NAALADL2: variants seen among roughly 807,000 people sequenced by gnomAD.
NAALADL2 encodes the protein inactive N-acetylated-alpha-linked acidic dipeptidase-like protein 2.
In NAALADL2, 76 loss-of-function variants were observed where a neutral mutation model predicts 87.2. The observed-to-expected ratio is 0.87, with a 90% confidence interval of 0.72 to 1.05. The LOEUF (loss-of-function observed/expected upper bound fraction) is 1.05, where lower values mean the gene tolerates loss of function less well. Among genes scored for constraint, NAALADL2 ranks in the 50% least tolerant of loss-of-function variants. NAALADL2 has a pLI of 0.00. For synonymous variants in NAALADL2, 354 were observed against 331.0 expected (o/e 1.07, Z -0.75); for missense variants, 1,089 against 945.8 (o/e 1.15, Z -1.99).
chr3:174,752,149 G>A (rs1201625438), intron 3 of NAALADL2, among the ~76,000 whole-genome samples: 2 of 151,822 alleles, frequency 1.3e-5, no homozygotes, highest in African/African-American at 4.8e-5. Context: ...GGCTATTTTT[G>A]TATTTTCAGT....
intron 3 of NAALADL2, among the ~76,000 whole-genome samples, chr3:174,820,020 T>C (rs1048794629): frequency 1.3e-5 from 2 of 152,192 alleles, no homozygotes; most frequent in Non-Finnish European, 2.9e-5. Context: ...ATAGGCAGCT[T>C]CAGTTTGGAA....
intron 2 of NAALADL2, among the ~76,000 whole-genome samples, chr3:174,598,135 T>C (rs936942080): frequency 1.3e-5 from 2 of 152,170 alleles, no homozygotes; most frequent in Non-Finnish European, 2.9e-5. Context: ...GATCTGTATT[T>C]CATTCTGAAA....
chr3:175,261,081 A>T (rs1439964574), intron 4 of NAALADL2, among the ~76,000 whole-genome samples: 1 of 152,158 alleles, frequency 6.6e-6, no homozygotes, highest in Non-Finnish European at 1.5e-5. Context: ...CTGAAGACTT[A>T]GAGGAAAGGC....
At chr3:174,459,505 A>G (rs1212454196) in intron 1 of NAALADL2, 2 of 152,358 alleles carry the variant, frequency 1.3e-5, no homozygotes, top group Admixed American at 6.5e-5. Context: ...GTGAACATGC[A>G]CTGGACACTG....
At chr3:175,643,816 C>T (rs1729613004) in intron 11 of NAALADL2, among the ~76,000 whole-genome samples, 1 of 152,186 alleles carries the variant, frequency 6.6e-6, no homozygotes, top group Non-Finnish European at 1.5e-5. Context: ...CTTACCTTCA[C>T]AACCAAGAAT....
chr3:175,400,320 C>T (rs547446517), intron 5 of NAALADL2, among the ~76,000 whole-genome samples: 36 of 152,028 alleles, frequency 2.4e-4, no homozygotes, highest in Non-Finnish European at 4.4e-4. Context: ...AGGGCTTCAT[C>T]GGTACTGGCC....
At chr3:175,737,433 A>G (rs1293415529) in intron 12 of NAALADL2, 34 bp downstream of exon 12, 2 of 1,308,568 alleles carry the variant, frequency 1.5e-6, no homozygotes, top group African/African-American at 2.9e-5. Flanking sequence ...AATTTTACCA[A>G]TGAAAAATTG....
At chr3:174,882,637 A>ACATATACG (rs1553882398) in intron 1 of NAALADL2, among the ~76,000 whole-genome samples, 42 of 78,246 alleles carry the variant, frequency 5.4e-4, no homozygotes, top group African/African-American at 2.8e-3. Context: ...GTGCATATAC[A>ACATATACG]CATATGTGCA....
intron 5 of NAALADL2, among the ~76,000 whole-genome samples, chr3:175,358,597 G>T (rs1251149290): frequency 6.6e-6 from 1 of 151,864 alleles, no homozygotes; most frequent in East Asian, 1.9e-4. Flanking sequence ...TAATAATTAA[G>T]ATATAGAAAT....
intron 4 of NAALADL2, among the ~76,000 whole-genome samples, chr3:175,311,946 G>A (rs1482061443): frequency 6.6e-6 from 1 of 152,102 alleles, no homozygotes; most frequent in Non-Finnish European, 1.5e-5. Context: ...GGTGTTCAGT[G>A]AATTTGAAGA....
chr3:175,718,088 G>A (rs1741607438), intron 11 of NAALADL2: 2 of 675,174 alleles, frequency 3.0e-6, no homozygotes, highest in Admixed American at 3.6e-5. Flanking sequence ...TTGAATGGGA[G>A]CTTCCTTTCC....
At chr3:175,702,480 A>C (rs1739128500) in intron 11 of NAALADL2, among the ~76,000 whole-genome samples, 1 of 152,150 alleles carries the variant, frequency 6.6e-6, no homozygotes, top group African/African-American at 2.4e-5. Context: ...AGAAAAAAAA[A>C]CTAAAAAAGA....
At chr3:175,424,919 A>C (rs182186788) in intron 5 of NAALADL2, among the ~76,000 whole-genome samples, 14 of 152,302 alleles carry the variant, frequency 9.2e-5, no homozygotes, top group African/African-American at 3.4e-4. Flanking sequence ...GAGGTAAATA[A>C]TTCTTCTGCA....
intron 2 of NAALADL2, among the ~76,000 whole-genome samples, chr3:174,652,459 G>A (rs1440889546): frequency 6.6e-6 from 1 of 152,170 alleles, no homozygotes; most frequent in Admixed American, 6.5e-5. Flanking sequence ...GGCTGGGGAG[G>A]CCTCACAATC....
chr3:175,327,148 C>CTCTTTTTTT (rs1760811308), intron 5 of NAALADL2, among the ~76,000 whole-genome samples: 1 of 99,510 alleles, frequency 1.0e-5, no homozygotes, highest in African/African-American at 4.2e-5. Context: ...GTCTACATTT[C>CTCTTTTTTT]TTTTTTTTTT....
intron 2 of NAALADL2, among the ~76,000 whole-genome samples, chr3:174,638,938 C>T (rs187818996): frequency 6.6e-6 from 1 of 152,256 alleles, no homozygotes; most frequent in East Asian, 1.9e-4. Context: ...ATCTATTTTG[C>T]TGTCTGCTCC....
At chr3:175,361,428 T>C (rs1411807461) in intron 5 of NAALADL2, among the ~76,000 whole-genome samples, 1 of 148,340 alleles carries the variant, frequency 6.7e-6, no homozygotes, top group Non-Finnish European at 1.5e-5. Context: ...TCTAGATCCT[T>C]GAGGAATCGC....
chr3:174,486,272 A>G, intron 1 of NAALADL2, among the ~76,000 whole-genome samples: 1 of 152,092 alleles, frequency 6.6e-6, no homozygotes, highest in Non-Finnish European at 1.5e-5. Flanking sequence ...TGAGAAGAGC[A>G]GAATGCTCTA....
chr3:174,513,365 T>C (rs936939057), intron 1 of NAALADL2: 3 of 152,216 alleles, frequency 2.0e-5, no homozygotes, highest in African/African-American at 4.8e-5. Flanking sequence ...GATTTATTTT[T>C]TCACCAGTAC....
Sources: gnomAD v4.1 joint callset for allele counts (sites outside exome capture counted in the v4.1 genomes callset) on GRCh38, gnomAD v4.1.1 for gene constraint, MANE v1.5 for transcripts, NCBI Gene and HGNC (gene_info 2026-07-23, HGNC 2026-07-21) for gene names.